BTAF1: variants seen among roughly 807,000 people sequenced by gnomAD.
The protein encoded by BTAF1 is B-TFIID TATA-box binding protein associated factor 1.
In BTAF1, 38 loss-of-function variants were observed where a neutral mutation model predicts 227.1. That is an observed-to-expected ratio of 0.17 (90% CI 0.13 to 0.22). The LOEUF (loss-of-function observed/expected upper bound fraction) is 0.22, where lower values mean the gene tolerates loss of function less well. BTAF1 is among the 10% of genes least tolerant of loss of function. BTAF1 has a pLI of 1.00. For missense variants in BTAF1, 1,598 were observed against 2,204.0 expected, an observed-to-expected ratio of 0.73 and a Z score of 5.51; for synonymous variants, 742 against 751.9, an observed-to-expected ratio of 0.99 and a Z score of 0.21.
At chr10:92,018,990 T>A (rs1850935191) in intron 34 of BTAF1, 55 bp downstream of exon 34, 2 of 1,380,848 alleles carry the variant, frequency 1.4e-6, no homozygotes, top group Admixed American at 5.5e-5. Context: ...ATATAAATTC[T>A]TGGTAAATTT....
chr10:91,968,788 C>G (rs941467106), intron 14 of BTAF1, among the ~76,000 whole-genome samples: 2 of 152,210 alleles, frequency 1.3e-5, no homozygotes, highest in Non-Finnish European at 2.9e-5. Context: ...CCTAGTGATA[C>G]ATGATGTTAA....
At chr10:92,022,942 A>G (rs1851243512) in intron 34 of BTAF1, among the ~76,000 whole-genome samples, 1 of 152,196 alleles carries the variant, frequency 6.6e-6, no homozygotes, top group South Asian at 2.1e-4. Flanking sequence ...TGTTAGGTAG[A>G]AGAATGAGAA....
At chr10:91,954,631 C>CA (rs1259544960) in intron 6 of BTAF1, among the ~76,000 whole-genome samples, 2 of 151,876 alleles carry the variant, frequency 1.3e-5, no homozygotes, top group Non-Finnish European at 2.9e-5. Context: ...GATCGTAGCT[C>CA]ACTACAGCCT....
chr10:91,935,866 T>C, intron 2 of BTAF1, 86 bp downstream of exon 2: 1 of 1,203,076 alleles, frequency 8.3e-7, no homozygotes, highest in Non-Finnish European at 1.1e-6. Flanking sequence ...GTAAACATCA[T>C]CTTAATTTTT....
chr10:92,013,245 A>T (rs980107359), intron 30 of BTAF1, among the ~76,000 whole-genome samples: 3 of 152,234 alleles, frequency 2.0e-5, no homozygotes, highest in African/African-American at 7.2e-5. Context: ...TGGCCCATAA[A>T]TACTGAGTGG....
intron 14 of BTAF1, among the ~76,000 whole-genome samples, chr10:91,968,057 A>G (rs937997777): frequency 1.3e-5 from 2 of 152,202 alleles, no homozygotes; most frequent in African/African-American, 4.8e-5. Flanking sequence ...ATTAAAGTCC[A>G]CACTTTACAG....
At chr10:91,932,975 G>A (rs529916601) in intron 1 of BTAF1, among the ~76,000 whole-genome samples, 40 of 152,228 alleles carry the variant, frequency 2.6e-4, no homozygotes, top group African/African-American at 8.4e-4. Context: ...TCACACATGG[G>A]GCCATTATAT....
In BTAF1 at chr10:91,930,167, TTAA is replaced by T. The variant is rs774676921; in HGVS notation, c.15-5486_15-5484del. Reference sequence around the variant, plus strand: ...TTTACATATTAATACATAATATGTATTAATAAGAAGTTTTAAAACCACCCATAC... The same window carrying T: ...TTTACATATTAATACATAATATGTATTAAGAAGTTTTAAAACCACCCATAC... On this transcript the variant is annotated intron_variant, in intron 1 of 37. Transcript: ENST00000265990. Among the ~76,000 whole-genome samples the T allele has an allele frequency of 7.2e-4, 110 of 152,322 alleles. 1 individual carries two copies. The highest frequency in any genetic ancestry group is 1.2e-3 in the Non-Finnish European group (84 of 68,020).
chr10:91,941,437 T>A (rs2133816428), intron 3 of BTAF1, among the ~76,000 whole-genome samples: 1 of 152,366 alleles, frequency 6.6e-6, no homozygotes, highest in Middle Eastern at 3.4e-3. Context: ...AAACAAACTA[T>A]TAAGTCAGTA....
chr10:91,959,754 A>AGT (rs760049896), intron 9 of BTAF1, 31 bp from the exon 10 acceptor site: 1 of 477,886 alleles, frequency 2.1e-6, no homozygotes, highest in Non-Finnish European at 3.2e-6. Context: ...ATATATATAT[A>AGT]TATATATATA....
chr10:91,991,264 A>AT (rs1491173464), intron 20 of BTAF1, among the ~76,000 whole-genome samples: 15 of 78,042 alleles, frequency 1.9e-4, no homozygotes, highest in South Asian at 1.0e-3. Flanking sequence ...ATATAAATAT[A>AT]AATATAAATA....
At chr10:91,960,181 TG>T in intron 11 of BTAF1, 27 bp downstream of exon 11, 1 of 1,603,250 alleles carries the variant, frequency 6.2e-7, no homozygotes, top group South Asian at 1.1e-5. Context: ...TTGAAGCTTA[TG>T]TGGGAGAGTT....
chr10:92,020,282 C>T (rs1223750150), intron 34 of BTAF1, among the ~76,000 whole-genome samples: 1 of 152,048 alleles, frequency 6.6e-6, no homozygotes, highest in African/African-American at 2.4e-5. Flanking sequence ...GAACTGCATA[C>T]TCTATCATTT....
intron 8 of BTAF1, among the ~76,000 whole-genome samples, chr10:91,958,606 G>A (rs1846263499): frequency 6.6e-6 from 1 of 152,126 alleles, no homozygotes. Flanking sequence ...GGGGGCTTGA[G>A]GCAGGAGAAT....
intron 12 of BTAF1, among the ~76,000 whole-genome samples, chr10:91,962,911 G>A (rs1041557983): frequency 6.6e-6 from 1 of 151,956 alleles, no homozygotes; most frequent in African/African-American, 2.4e-5. Context: ...TCCTTGAGAA[G>A]AATGCAGCCA....
In BTAF1 at chr10:91,997,666, T is replaced by C; in HGVS notation, c.3575T>C (p.Leu1192Ser). 2 of 1,613,800 alleles carry C rather than the reference T, an allele frequency of 1.2e-6. No individual in the cohort carries two copies. The highest frequency in any genetic ancestry group is 1.7e-6 in the Non-Finnish European group (2 of 1,179,714). ...PYIVLLVVPVLGRMSDQTDSV... is the reference protein window; with the variant it reads ...PYIVLLVVPVSGRMSDQTDSV... Reference sequence around the variant, plus strand: ...ATTGTCCTTTTAGTTGTTCCTGTATTAGGAAGAATGAGTGATCAGACAGAC... The same window carrying C: ...ATTGTCCTTTTAGTTGTTCCTGTATCAGGAAGAATGAGTGATCAGACAGAC... The change falls in exon 25 of 38, where the codon TTA becomes TCA. Residue 1192 changes from leucine to serine, a missense_variant. Leu to Ser is a moderately radical substitution (Grantham distance 145). Around this residue, in one of 10 missense-constraint regions of BTAF1, gnomAD observed 425 missense variants for 491.2 expected, o/e 0.87. Coordinates refer to ENST00000265990, the MANE Select transcript of BTAF1 (RefSeq NM_003972.3).
Position 92,024,751 on chromosome 10 carries a change from C to A in BTAF1, c.4864-5C>A. 3 of 977,748 alleles carry A rather than the reference C, an allele frequency of 3.1e-6. No individual in the cohort carries two copies. The highest frequency in any genetic ancestry group is 4.1e-6 in the Non-Finnish European group (3 of 729,772). 60.6% of individuals were successfully genotyped at this position (977,748 alleles called of 1,614,324 possible). A position where few individuals can be genotyped will look rare whatever the true frequency, so the allele number is the denominator to read the frequency against. ...TATGTAGTTTTTTTTTTTTTTCTTC[C>A]TAAGTTGCTGTTGGACTGCGGTTTG... On this transcript the variant is annotated splice_polypyrimidine_tract_variant and splice_region_variant and intron_variant, in intron 34 of 37. Coordinates refer to ENST00000265990, the MANE Select transcript of BTAF1 (RefSeq NM_003972.3).
Position 91,949,526 on chromosome 10 carries a change from T to A in BTAF1, c.401-1877T>A, listed in dbSNP as rs575138751. 3.9e-5 allele frequency among the ~76,000 whole-genome samples: 6 copies of A among 152,380 alleles called. 1 individual carries two copies. In the East Asian group the frequency reaches 7.7e-4, roughly 20 times the overall value. On this transcript the variant is annotated intron_variant, in intron 4 of 37. Transcript: ENST00000265990. ...CAAAGATTGTTTTGCTTGTTTTTGCTTGCTTGTTTTAGCAGACATTTACTT... is the reference window on the plus strand; with the variant it reads ...CAAAGATTGTTTTGCTTGTTTTTGCATGCTTGTTTTAGCAGACATTTACTT...
At position 91,966,659 on chromosome 10, in the gene BTAF1, T is replaced by C. The variant is rs1350309507; in HGVS notation, c.1552T>C (p.Leu518=). Residue 518 remains leucine (L), a synonymous_variant, in exon 14 of 38, where the codon TTA becomes CTA. Transcript: ENST00000265990. ...TAGTATTCAGCAGTCACTGACAGTT[T>C]TAGTTCCACGTGTCTGGCCTTTTTT... ...QCSIQQSLTV[L]VPRVWPFLHH... 3 of 1,613,758 alleles carry C rather than the reference T, an allele frequency of 1.9e-6. No homozygotes were observed. In the African/African-American group the frequency reaches 4.0e-5, roughly 22 times the overall value.
Sources: allele counts gnomAD v4.1 joint callset (sites outside exome capture counted in the v4.1 genomes callset), GRCh38; gene constraint gnomAD v4.1.1; regional missense constraint gnomAD v4.1.1; transcripts MANE v1.5; gene names NCBI Gene and HGNC (gene_info 2026-07-23, HGNC 2026-07-21).